CEPT1: variants seen among roughly 807,000 people sequenced by gnomAD.
CEPT1 encodes choline/ethanolamine phosphotransferase 1, also known as choline/ethanolaminephosphotransferase 1.
Under a neutral mutation model 42.6 loss-of-function variants are expected in CEPT1, and 7 were observed. That is an observed-to-expected ratio of 0.16 (90% CI 0.09 to 0.31). CEPT1 has a LOEUF of 0.31. Ranked by LOEUF, CEPT1 falls within the 10% of genes least tolerant of loss-of-function variation. CEPT1 has a pLI of 1.00. For synonymous variants in CEPT1, 171 were observed against 171.9 expected (o/e 0.99, Z 0.04); for missense variants, 306 against 502.1 (o/e 0.61, Z 3.73).
At chr1:111,161,383 C>A in intron 4 of CEPT1, 87 bp downstream of exon 4, 3 of 1,272,220 alleles carry the variant, frequency 2.4e-6, no homozygotes, top group Admixed American at 2.5e-5. Flanking sequence ...AGAAATTGAT[C>A]AAATCACTAA....
In CEPT1 at chr1:111,147,969, A is replaced by G. The variant is rs1248790147; in HGVS notation, c.255A>G (p.Pro85=). 6 of 1,614,028 alleles carry G rather than the reference A, an allele frequency of 3.7e-6. No homozygotes were observed. The African/African-American group carries it at 5.3e-5, about 14-fold the overall frequency. ...LVRRVPSWIA[P]NLITIIGLSI... ...GAAGAGTTCCCTCCTGGATTGCCCC[A>G]AATCTCATCACCATCATTGGACTGT... Residue 85 remains proline (P), a synonymous_variant, in exon 2 of 9, where the codon CCA becomes CCG. Transcript: ENST00000357172.
intron 4 of CEPT1, 141 bp from the exon 5 acceptor site, chr1:111,174,738 T>C: frequency 1.9e-6 from 1 of 516,100 alleles, no homozygotes; most frequent in Non-Finnish European, 3.5e-6. Flanking sequence ...AAATTTTTGA[T>C]GCCTCCTTTT....
chr1:111,164,767 C>G (rs1001991780), intron 4 of CEPT1, among the ~76,000 whole-genome samples: 1 of 151,834 alleles, frequency 6.6e-6, no homozygotes, highest in East Asian at 2.0e-4. Flanking sequence ...ACTACAGGTG[C>G]GTGCTGCCAC....
At chr1:111,176,102 G>A (rs1173203081) in intron 5 of CEPT1, among the ~76,000 whole-genome samples, 1 of 152,194 alleles carries the variant, frequency 6.6e-6, no homozygotes, top group African/African-American at 2.4e-5. Context: ...TTGTTGGGAA[G>A]ATGAATCTGT....
chr1:111,160,186 T>C (rs1358100649), intron 3 of CEPT1: 1 of 152,228 alleles, frequency 6.6e-6, no homozygotes, highest in Admixed American at 6.5e-5. Flanking sequence ...GGATTATAAG[T>C]GATATCTCTT....
chr1:111,162,511 A>T (rs1655926829), intron 4 of CEPT1, among the ~76,000 whole-genome samples: 1 of 152,206 alleles, frequency 6.6e-6, no homozygotes, highest in Non-Finnish European at 1.5e-5. Context: ...AGAGGAACCT[A>T]TTTAAAGAGA....
intron 4 of CEPT1, chr1:111,167,647 C>G: frequency 2.1e-6 from 2 of 975,138 alleles, no homozygotes; most frequent in Non-Finnish European, 2.4e-6. Context: ...TTTAAGCAGT[C>G]TAGTACTAGT....
At position 111,161,250 on chromosome 1, in the gene CEPT1, T is replaced by A. The variant is rs771804613; in HGVS notation, c.583T>A (p.Cys195Ser). The A allele has an allele frequency of 1.9e-6, 3 of 1,613,916 alleles. No homozygotes were observed. The highest frequency in any genetic ancestry group is 8.5e-7 in the Non-Finnish European group (1 of 1,179,932). ...CCFAGTFMFY[C>S]AHWQTYVSGT... ...TTTTGCGGGGACATTTATGTTCTAT[T>A]GTGCGCACTGGCAAACGTATGTTTC... Residue 195 changes from cysteine to serine, a missense_variant, in exon 4 of 9, where the codon TGT (cysteine) becomes AGT (serine). Physicochemically the swap from Cys to Ser is moderately radical, Grantham distance 112. Around this residue, in one of 2 missense-constraint regions of CEPT1, gnomAD observed 253 missense variants for 447.3 expected, o/e 0.57. Transcript: ENST00000357172.
intron 1 of CEPT1, among the ~76,000 whole-genome samples, chr1:111,146,188 G>T (rs1397785799): frequency 6.7e-6 from 1 of 150,322 alleles, no homozygotes; most frequent in African/African-American, 2.5e-5. Context: ...ATCCCTTTGA[G>T]AACTTTTCTA....
At chr1:111,160,902 T>C (rs1016447968) in intron 3 of CEPT1, 31 of 494,636 alleles carry the variant, frequency 6.3e-5, no homozygotes, top group Non-Finnish European at 2.2e-5. Flanking sequence ...CGAAGAAATG[T>C]TGAAGTATTT....
At chr1:111,160,544 A>T (rs575555850) in intron 3 of CEPT1, 1 of 152,852 alleles carries the variant, frequency 6.5e-6, no homozygotes, top group South Asian at 2.0e-4. Context: ...TTAAGAGTCA[A>T]ATCAAGAAAT....
At chr1:111,142,001 C>A (rs1178313639) in intron 1 of CEPT1, among the ~76,000 whole-genome samples, 5 of 151,934 alleles carry the variant, frequency 3.3e-5, no homozygotes, top group African/African-American at 1.2e-4. Context: ...GAATTTCACA[C>A]AACAGGTTGT....
At chr1:111,142,926 C>A (rs1654739454) in intron 1 of CEPT1, among the ~76,000 whole-genome samples, 1 of 152,172 alleles carries the variant, frequency 6.6e-6, no homozygotes, top group Non-Finnish European at 1.5e-5. Context: ...AGCTATAGGA[C>A]TGTGACAGTA....
At position 111,154,187 on chromosome 1, in the gene CEPT1, G is replaced by GTATTTTATTTTATTTTATTT. The variant is rs201981261; in HGVS notation, c.340-5147_340-5128dup. Among the ~76,000 whole-genome samples, 20 of 131,150 alleles carry GTATTTTATTTTATTTTATTT rather than the reference G, an allele frequency of 1.5e-4. 1 individual carries two copies. The East Asian group carries it at 3.4e-3, about 22-fold the overall frequency. The allele number at this position is 131,150 out of a possible 152,430, so 86.0% of individuals were successfully genotyped here. On this transcript the variant is annotated intron_variant, in intron 2 of 8. Coordinates refer to ENST00000357172, the MANE Select transcript of CEPT1 (RefSeq NM_006090.5). ...ACTCCTTGGTTAAATTTATTCCCAA[G>GTATTTTATTTTATTTTATTT]TATTTTATTTTATTTTATTTTATTT...
intron 1 of CEPT1, among the ~76,000 whole-genome samples, chr1:111,142,939 A>G (rs1002089067): frequency 6.6e-6 from 1 of 152,254 alleles, no homozygotes; most frequent in African/African-American, 2.4e-5. Flanking sequence ...TGACAGTATT[A>G]TAGGACTTTG....
intron 1 of CEPT1, among the ~76,000 whole-genome samples, chr1:111,141,679 A>C (rs1654588285): frequency 6.6e-6 from 1 of 152,188 alleles, no homozygotes; most frequent in African/African-American, 2.4e-5. Flanking sequence ...AAAACGCTAA[A>C]TCTAAGTTGT....
intron 2 of CEPT1, among the ~76,000 whole-genome samples, chr1:111,150,163 GC>G (rs1655191795): frequency 6.6e-6 from 1 of 152,132 alleles, no homozygotes; most frequent in Non-Finnish European, 1.5e-5. Flanking sequence ...TCCTTATTAG[GC>G]TCAAAGCAGA....
intron 1 of CEPT1, among the ~76,000 whole-genome samples, chr1:111,142,560 C>T (rs979257996): frequency 6.6e-6 from 1 of 152,130 alleles, no homozygotes; most frequent in African/African-American, 2.4e-5. Flanking sequence ...GTGGCTGAGA[C>T]ACAGGAATCG....
chr1:111,154,067 A>C, intron 2 of CEPT1, among the ~76,000 whole-genome samples: 1 of 151,854 alleles, frequency 6.6e-6, no homozygotes. Flanking sequence ...TGACAATATT[A>C]ATTCATGGAC....
Sources: gnomAD v4.1 joint callset for allele counts (sites outside exome capture counted in the v4.1 genomes callset) on GRCh38, gnomAD v4.1.1 for gene constraint, gnomAD v4.1.1 regional missense constraint, MANE v1.5 for transcripts, NCBI Gene and HGNC (gene_info 2026-07-23, HGNC 2026-07-21) for gene names.